Variants in EIPR1 observed in about 807,000 individuals in gnomAD.
EIPR1 encodes the protein EARP complex and GARP complex interacting protein 1.
In EIPR1, 25 loss-of-function variants were observed where a neutral mutation model predicts 48.1. The observed-to-expected ratio is 0.52, with a 90% CI of 0.38 to 0.73. The LOEUF is 0.73. Ranked by LOEUF, EIPR1 falls within the 30% of genes least tolerant of loss-of-function variation. The pLI is 0.00. For synonymous variants in EIPR1, 204 were observed against 201.9 expected (o/e 1.01, Z -0.09); for missense variants, 415 against 506.2 (o/e 0.82, Z 1.73).
chr2:3,225,222 ATGTGTGTGTGTGTGTGTGTGTGTGTG>A (rs61557621), intron 4 of EIPR1, among the ~76,000 whole-genome samples: 1 of 137,022 alleles, frequency 7.3e-6, no homozygotes, highest in African/African-American at 2.7e-5. Flanking sequence ...ACACTGTGAT[ATGTGTGTGTGTGTGTGTGTGTGTGTG>A]TGTGTGTGTG....
intron 2 of EIPR1, 145 bp from the exon 3 acceptor site, chr2:3,338,294 G>A (rs1008741080): frequency 1.0e-6 from 1 of 953,438 alleles, no homozygotes; most frequent in African/African-American, 1.7e-5. Flanking sequence ...AACAGTATGT[G>A]CTTCTATAAT....
intron 4 of EIPR1, among the ~76,000 whole-genome samples, chr2:3,229,225 G>A (rs13418191): frequency 0.041 from 6,198 of 152,262 alleles, 144 homozygotes; most frequent in South Asian, 0.074. Flanking sequence ...TTAGAATAAC[G>A]GAATGGTAAG....
At chr2:3,201,346 G>C (rs1282033302) in intron 5 of EIPR1, among the ~76,000 whole-genome samples, 1 of 152,234 alleles carries the variant, frequency 6.6e-6, no homozygotes, top group African/African-American at 2.4e-5. Flanking sequence ...ATGGCGGAGG[G>C]GGGATGTTAA....
intron 5 of EIPR1, among the ~76,000 whole-genome samples, chr2:3,201,522 C>T (rs1180049916): frequency 1.3e-5 from 2 of 152,178 alleles, no homozygotes; most frequent in African/African-American, 4.8e-5. Context: ...CAGCATGGAC[C>T]CAGACACAGA....
At chr2:3,220,854 G>A (rs1007237972) in intron 4 of EIPR1, among the ~76,000 whole-genome samples, 7 of 146,920 alleles carry the variant, frequency 4.8e-5, no homozygotes, top group South Asian at 4.4e-4. Context: ...GGGAACACAC[G>A]TACGCAATGG....
intron 4 of EIPR1, among the ~76,000 whole-genome samples, chr2:3,247,894 ACAGT>A (rs1200610365): frequency 3.9e-5 from 6 of 152,196 alleles, no homozygotes; most frequent in African/African-American, 7.2e-5. Flanking sequence ...AATTTCTGTA[ACAGT>A]CAAAGGGTAG....
chr2:3,300,662 A>G (rs1304009730), intron 3 of EIPR1, among the ~76,000 whole-genome samples: 1 of 152,202 alleles, frequency 6.6e-6, no homozygotes, highest in African/African-American at 2.4e-5. Flanking sequence ...AAAAAAAAGA[A>G]TCAACCAAAA....
chr2:3,354,719 C>CAACAGTAGATGAGA, intron 1 of EIPR1, 86 bp from the exon 2 acceptor site: 1 of 1,298,204 alleles, frequency 7.7e-7, no homozygotes, highest in Non-Finnish European at 1.1e-6. Flanking sequence ...GGCAGTTTAT[C>CAACAGTAGATGAGA]TCATCTACTG....
chr2:3,306,678 G>A (rs944649304), intron 3 of EIPR1, among the ~76,000 whole-genome samples: 1 of 152,148 alleles, frequency 6.6e-6, no homozygotes, highest in African/African-American at 2.4e-5. Flanking sequence ...AAAATATATT[G>A]ACTATTCATT....
chr2:3,283,965 AG>A (rs368935138), intron 3 of EIPR1, among the ~76,000 whole-genome samples: 2 of 147,174 alleles, frequency 1.4e-5, no homozygotes, highest in Admixed American at 6.8e-5. Context: ...AAAAAAAAAA[AG>A]AAAGAAAGAA....
At chr2:3,198,878 T>C (rs1427228443) in intron 5 of EIPR1, among the ~76,000 whole-genome samples, 1 of 152,094 alleles carries the variant, frequency 6.6e-6, no homozygotes, top group Non-Finnish European at 1.5e-5. Flanking sequence ...CCACTGTGCT[T>C]GCATTGTCAT....
At chr2:3,246,831 GGGAA>G (rs2103198554) in intron 4 of EIPR1, among the ~76,000 whole-genome samples, 7 of 77,474 alleles carry the variant, frequency 9.0e-5, no homozygotes, top group Admixed American at 1.2e-4. Context: ...GAGGAAGGGA[GGGAA>G]GGAGGAAGGG....
chr2:3,299,192 T>C (rs1318687161), intron 3 of EIPR1, among the ~76,000 whole-genome samples: 1 of 152,222 alleles, frequency 6.6e-6, no homozygotes, highest in East Asian at 1.9e-4. Context: ...AGAATGTCGC[T>C]GTGTCTGTCT....
At chr2:3,356,347 AG>A (rs1670728890) in intron 1 of EIPR1, among the ~76,000 whole-genome samples, 1 of 152,262 alleles carries the variant, frequency 6.6e-6, no homozygotes, top group Admixed American at 6.5e-5. Flanking sequence ...AGAGAAACGT[AG>A]GCTGTATACA....
intron 2 of EIPR1, 144 bp downstream of exon 2, chr2:3,354,406 G>T: frequency 1.4e-6 from 1 of 695,400 alleles, no homozygotes; most frequent in Non-Finnish European, 2.4e-6. Flanking sequence ...TTGATTTGAA[G>T]ATAGACTTAA....
At chr2:3,218,883 C>T (rs1344854982) in intron 4 of EIPR1, among the ~76,000 whole-genome samples, 1 of 148,446 alleles carries the variant, frequency 6.7e-6, no homozygotes, top group African/African-American at 2.5e-5. Context: ...CTAGAGCTTT[C>T]ACAGTGAGTC....
chr2:3,377,251 T>C (rs111526012), intron 1 of EIPR1: 27 of 194,638 alleles, frequency 1.4e-4, no homozygotes, highest in African/African-American at 6.0e-4. Context: ...TATGTATTTT[T>C]ACAACTCTTC....
intron 5 of EIPR1, among the ~76,000 whole-genome samples, chr2:3,204,413 G>A (rs773330366): frequency 6.6e-6 from 1 of 152,238 alleles, no homozygotes; most frequent in African/African-American, 2.4e-5. Context: ...ACTCAGGGCA[G>A]ACGGTGCAGT....
chr2:3,354,094 A>G (rs1393299820), intron 2 of EIPR1, among the ~76,000 whole-genome samples: 1 of 152,212 alleles, frequency 6.6e-6, no homozygotes, highest in Non-Finnish European at 1.5e-5. Context: ...AGAACACCAA[A>G]GGGTCCCATC....
Sources: allele counts gnomAD v4.1 joint callset (sites outside exome capture counted in the v4.1 genomes callset), GRCh38; gene constraint gnomAD v4.1.1; transcripts MANE v1.5; gene names NCBI Gene and HGNC (gene_info 2026-07-23, HGNC 2026-07-21).